The following SLC6A16 variants were observed in gnomAD, a reference collection of about 807,000 sequenced individuals.
SLC6A16 encodes solute carrier family 6 member 16, also known as orphan sodium- and chloride-dependent neurotransmitter transporter NTT5.
A neutral mutation model predicts 65.4 loss-of-function variants in SLC6A16; 54 were observed. The observed-to-expected ratio is 0.83, with a 90% CI of 0.66 to 1.04. SLC6A16 has a LOEUF of 1.04. Ranked by LOEUF, SLC6A16 falls within the 50% of genes least tolerant of loss-of-function variation. The pLI is 0.00. For missense variants in SLC6A16, 816 were observed against 914.0 expected (o/e 0.89, Z 1.38); for synonymous variants, 330 against 346.5 (o/e 0.95, Z 0.53).
the SLC6A16 span, chr19:49,335,222 G>A: frequency 1.2e-4 from 45 of 366,496 alleles, no homozygotes; most frequent in Non-Finnish European, 2.2e-4. The surrounding 1 kb of genome is among the most constrained non-coding windows in gnomAD (Gnocchi z 4.6). Context: ...ATCCCCCAGC[G>A]CCTGAGACAT....
chr19:49,295,380 A>T (rs1463889945), intron 7 of SLC6A16, among the ~76,000 whole-genome samples: 1 of 150,358 alleles, frequency 6.7e-6, no homozygotes, highest in Non-Finnish European at 1.5e-5. Flanking sequence ...TCCATTTCAA[A>T]AAAAAAAAAA....
intron 10 of SLC6A16, 83 bp from the exon 11 acceptor site, chr19:49,290,850 T>G (rs547215918): frequency 8.8e-7 from 1 of 1,131,712 alleles, no homozygotes; most frequent in East Asian, 2.6e-5. Flanking sequence ...TTGGCATCTT[T>G]CAAACATTCT....
intron 7 of SLC6A16, among the ~76,000 whole-genome samples, chr19:49,295,208 C>T (rs942270740): frequency 1.1e-4 from 16 of 151,882 alleles, no homozygotes; most frequent in Non-Finnish European, 1.9e-4. Flanking sequence ...GGTGAAACCC[C>T]GTCTCTACTA....
chr19:49,295,372 C>T (rs1410597194), intron 7 of SLC6A16, among the ~76,000 whole-genome samples: 1 of 79,272 alleles, frequency 1.3e-5, no homozygotes, highest in African/African-American at 5.3e-5. Flanking sequence ...AGCGAGACTC[C>T]ATTTCAAAAA....
chr19:49,329,823 G>A (rs991830938), upstream of SLC6A16, among the ~76,000 whole-genome samples: 6 of 151,808 alleles, frequency 4.0e-5, no homozygotes, highest in East Asian at 7.8e-4. Context: ...TAGTAGAGAC[G>A]GGGGTTTCAC....
At chr19:49,339,432 C>T in the SLC6A16 span, 1 of 1,607,844 alleles carries the variant, frequency 6.2e-7, no homozygotes, top group East Asian at 2.2e-5. This position sits in a 1 kb window ranked among gnomAD's most constrained non-coding sequence, Gnocchi z 4.5. Flanking sequence ...GCCCCGCCCC[C>T]ACCCGCGATC....
Position 49,311,392 on chromosome 19 carries a change from G to A in SLC6A16, c.-45C>T. 6.6e-7 allele frequency: 1 copy of A among 1,522,182 alleles called. No homozygotes were observed. The highest frequency in any genetic ancestry group is 8.8e-7 in the Non-Finnish European group (1 of 1,136,590). 94.3% of individuals were successfully genotyped at this position (1,522,182 alleles called of 1,614,324 possible). ...GCAGCTCCCGCTTCTGCAAGGGAGG[G>A]TTCATCTTCCTGAGGAGACCTGAAG... On this transcript the variant is annotated 5_prime_UTR_variant, in exon 2 of 12. Coordinates refer to ENST00000335875, the MANE Select transcript of SLC6A16 (RefSeq NM_014037.3).
intron 7 of SLC6A16, among the ~76,000 whole-genome samples, chr19:49,303,792 A>G (rs1970332898): frequency 6.6e-6 from 1 of 152,212 alleles, no homozygotes; most frequent in Non-Finnish European, 1.5e-5. Context: ...TATTAATTTT[A>G]CTTTATATTT....
At chr19:49,328,529 G>A (rs1368917108), upstream of SLC6A16, among the ~76,000 whole-genome samples, 1 of 152,182 alleles carries the variant, frequency 6.6e-6, no homozygotes, top group African/African-American at 2.4e-5. Context: ...GGCAAGTGAT[G>A]GTGTTGATTA....
At chr19:49,294,101 A>C in intron 8 of SLC6A16, 73 bp from the exon 9 acceptor site, 2 of 1,303,176 alleles carry the variant, frequency 1.5e-6, no homozygotes, top group Non-Finnish European at 2.2e-6. Flanking sequence ...ACAAGTATAC[A>C]TTCTATCTTC....
chr19:49,324,946 C>T (rs1485513232), intron 1 of SLC6A16, 102 bp downstream of exon 1: 1 of 699,878 alleles, frequency 1.4e-6, no homozygotes. Context: ...CACCTGTCAC[C>T]CGTCAGTGGA....
the SLC6A16 span, chr19:49,339,679 G>A: frequency 3.5e-6 from 5 of 1,422,464 alleles, no homozygotes; most frequent in Middle Eastern, 5.2e-4. This position sits in a 1 kb window ranked among gnomAD's most constrained non-coding sequence, Gnocchi z 4.5. Flanking sequence ...GGTGCTGAGC[G>A]TACAGCTACA....
intron 7 of SLC6A16, among the ~76,000 whole-genome samples, chr19:49,307,051 C>CTTTTTTTTTTTTTTTTTTTTT (rs1197711801): frequency 1.3e-4 from 8 of 61,018 alleles, no homozygotes; most frequent in Non-Finnish European, 1.7e-4. Context: ...GTTTTATACA[C>CTTTTTTTTTTTTTTTTTTTTT]TTTTTTTTTT....
intron 1 of SLC6A16, among the ~76,000 whole-genome samples, chr19:49,324,322 C>T (rs1257125859): frequency 6.6e-6 from 1 of 152,100 alleles, no homozygotes; most frequent in Non-Finnish European, 1.5e-5. Flanking sequence ...CAGAGTGGGA[C>T]TCCATCTCAA....
chr19:49,289,909 G>A lies in SLC6A16; in HGVS notation c.*214C>T. On this transcript the variant is annotated 3_prime_UTR_variant, in exon 12 of 12. Transcript: ENST00000335875. The stretch of plus-strand genomic sequence containing the variant: ...GTGCATGTATGTGTGTTGAGGAAGA[G>A]GATGGGGAAAACAATGATGGTGGTC... 1.7e-6 allele frequency: 1 copy of A among 588,558 alleles called. No individual in the cohort carries two copies. Among genetic ancestry groups the A allele is most frequent in the Non-Finnish European group, 3.0e-6 (1 of 331,198 alleles). 36.5% of individuals were successfully genotyped at this position (588,558 alleles called of 1,614,324 possible). A position where few individuals can be genotyped will look rare whatever the true frequency, so the allele number is the denominator to read the frequency against.
Position 49,289,965 on chromosome 19 carries a change from G to A in SLC6A16, c.*158C>T, listed in dbSNP as rs899973080. On this transcript the variant is annotated 3_prime_UTR_variant, in exon 12 of 12. Coordinates refer to ENST00000335875, the MANE Select transcript of SLC6A16 (RefSeq NM_014037.3). The stretch of plus-strand genomic sequence containing the variant: ...GTAAGATGGGACCCAGGAAGGGATT[G>A]CAAGTCCAGGCCCCATGAACACCCC... 1.5e-6 allele frequency: 1 copy of A among 686,396 alleles called. No homozygotes were observed. The highest frequency in any genetic ancestry group is 2.7e-5 in the East Asian group (1 of 37,032). 42.5% of individuals were successfully genotyped at this position (686,396 alleles called of 1,614,324 possible). A position where few individuals can be genotyped will look rare whatever the true frequency, so the allele number is the denominator to read the frequency against.
Position 49,289,854 on chromosome 19 carries a change from G to T in SLC6A16, c.*269C>A. On this transcript the variant is annotated 3_prime_UTR_variant, in exon 12 of 12. Coordinates refer to ENST00000335875, the MANE Select transcript of SLC6A16 (RefSeq NM_014037.3). ...CAGGCACCCCAGAAGTAGCAGGACT[G>T]GTAGACATCACTAGTATTGTATATG... is the stretch of plus-strand genomic sequence containing the variant. The T allele has an allele frequency of 2.3e-6, 1 of 426,342 alleles. No homozygotes were observed. The highest frequency in any genetic ancestry group is 4.2e-6 in the Non-Finnish European group (1 of 238,452). The allele number at this position is 426,342 out of a possible 1,614,324, so 26.4% of individuals were successfully genotyped here.
chr19:49,325,577 G>A (rs1409764318), upstream of SLC6A16, among the ~76,000 whole-genome samples: 1 of 152,112 alleles, frequency 6.6e-6, no homozygotes, highest in Non-Finnish European at 1.5e-5. Flanking sequence ...TTAAATATGC[G>A]TCCAACAAGG....
At chr19:49,291,795 A>G (rs1434112020) in intron 10 of SLC6A16, among the ~76,000 whole-genome samples, 1 of 151,806 alleles carries the variant, frequency 6.6e-6, no homozygotes, top group Non-Finnish European at 1.5e-5. Context: ...CCATCACCCT[A>G]TCTCCACCTA....
Sources: gnomAD v4.1 joint callset for allele counts (sites outside exome capture counted in the v4.1 genomes callset) on GRCh38, gnomAD v4.1.1 for gene constraint, Gnocchi (gnomAD v3.1) non-coding constraint, MANE v1.5 for transcripts, NCBI Gene and HGNC (gene_info 2026-07-23, HGNC 2026-07-21) for gene names.